Variants in TECTB observed in about 807,000 individuals in gnomAD.
The protein encoded by TECTB is tectorin beta.
TECTB carries 45 observed loss-of-function variants against 43.3 expected under a neutral mutation model. The ratio of observed to expected loss-of-function variants is 1.04; its 90% CI spans 0.82 to 1.33. The LOEUF (loss-of-function observed/expected upper bound fraction) is 1.33. Among genes scored for constraint, TECTB ranks in the 40% most tolerant of loss-of-function variants. The pLI, the probability that TECTB is intolerant of heterozygous loss-of-function variation, is 0.00. For missense variants in TECTB, 399 were observed against 404.7 expected (o/e 0.99, Z 0.12); for synonymous variants, 169 against 156.7 (o/e 1.08, Z -0.59).
chr10:112,297,616 C>A (rs1489059661), intron 7 of TECTB, among the ~76,000 whole-genome samples: 1 of 152,106 alleles, frequency 6.6e-6, no homozygotes, highest in Non-Finnish European at 1.5e-5. Context: ...TACAAATTTT[C>A]AATGCAAAAC....
intron 8 of TECTB, 91 bp from the exon 9 acceptor site, chr10:112,299,401 T>A (rs1848576334): frequency 8.4e-6 from 11 of 1,316,202 alleles, no homozygotes; most frequent in South Asian, 2.5e-5. Flanking sequence ...GTGACCTTTT[T>A]AAAATATCTT....
intron 5 of TECTB, among the ~76,000 whole-genome samples, chr10:112,292,879 G>A (rs1717652536): frequency 6.6e-6 from 1 of 151,698 alleles, no homozygotes; most frequent in South Asian, 2.1e-4. Context: ...CCACAGTCCT[G>A]CCCCAGGGCC....
chr10:112,292,861 GCTGC>G (rs1848510895), intron 5 of TECTB, among the ~76,000 whole-genome samples: 1 of 151,616 alleles, frequency 6.6e-6, no homozygotes, highest in East Asian at 2.0e-4. Flanking sequence ...TCCTTGCTGT[GCTGC>G]CAGCCACAGT....
chr10:112,293,650 C>A, intron 5 of TECTB, 88 bp from the exon 6 acceptor site: 3 of 1,184,212 alleles, frequency 2.5e-6, no homozygotes, highest in Non-Finnish European at 3.8e-6. Flanking sequence ...GATTCTCATC[C>A]CCACCCCATC....
At chr10:112,301,989 G>A (rs1848616048) in intron 9 of TECTB, 112 bp from the exon 10 acceptor site, 2 of 1,306,996 alleles carry the variant, frequency 1.5e-6, no homozygotes, top group African/African-American at 1.5e-5. Context: ...GGGATTACAA[G>A]TGTGAGCCGC....
intron 7 of TECTB, among the ~76,000 whole-genome samples, chr10:112,295,853 G>C (rs140157522): frequency 9.2e-5 from 14 of 152,318 alleles, no homozygotes; most frequent in African/African-American, 3.4e-4. Flanking sequence ...AAAAAGGGAT[G>C]CCTGTGGCTT....
chr10:112,288,978 C>G (rs1167516689), intron 5 of TECTB, among the ~76,000 whole-genome samples: 1 of 152,168 alleles, frequency 6.6e-6, no homozygotes, highest in African/African-American at 2.4e-5. Context: ...TAGTTTGAAG[C>G]CTTGTTCCAT....
intron 3 of TECTB, 147 bp from the exon 4 acceptor site, chr10:112,285,923 CA>C: frequency 2.0e-6 from 2 of 993,122 alleles, no homozygotes; most frequent in Non-Finnish European, 3.0e-6. Context: ...CACCCGCAGA[CA>C]AGAAGAGTGG....
intron 5 of TECTB, among the ~76,000 whole-genome samples, chr10:112,289,034 T>C (rs2148489): frequency 0.24 from 36,870 of 152,150 alleles, 5,421 homozygotes; most frequent in East Asian, 0.56. Flanking sequence ...AACCAACCTC[T>C]CTGGGCTTCT....
At position 112,302,283 on chromosome 10, in the gene TECTB, G is replaced by A. The variant is rs190854439; in HGVS notation, c.940+150G>A. The A allele has an allele frequency of 1.2e-4, 104 of 846,060 alleles. No individual in the cohort carries two copies. The East Asian group carries it at 1.9e-3, about 16-fold the overall frequency. The allele number at this position is 846,060 out of a possible 1,614,324, so 52.4% of individuals were successfully genotyped here. On this transcript the variant is annotated intron_variant, in intron 10 of 10. Coordinates refer to ENST00000646139, the MANE Select transcript of TECTB (RefSeq NM_058222.3). ...CACACCTGAGTGGCGCAGAGGGGGC[G>A]AGATCAAGAGGTCTCCCTCTGACCA... is the stretch of plus-strand genomic sequence containing the variant.
In TECTB at chr10:112,286,052, G is replaced by A. The variant is rs770388534; in HGVS notation, c.268-19G>A. 5.0e-6 allele frequency: 8 copies of A among 1,613,884 alleles called. No individual in the cohort carries two copies. The highest frequency in any genetic ancestry group is 6.8e-6 in the Non-Finnish European group (8 of 1,179,846). On this transcript the variant is annotated intron_variant, in intron 3 of 10. Transcript: ENST00000646139. ...GCGGGGAAACAGATTCATCCTGACT[G>A]TCTCCTTTCTTTGTCCAGTACAAGC...
At chr10:112,299,634 C>T in intron 9 of TECTB, 70 bp downstream of exon 9, 1 of 1,557,800 alleles carries the variant, frequency 6.4e-7, no homozygotes, top group South Asian at 1.1e-5. Context: ...ACAGGCACAG[C>T]CGGTTTGAGC....
chr10:112,286,520 C>G, intron 5 of TECTB, 129 bp downstream of exon 5: 1 of 1,026,014 alleles, frequency 9.7e-7, no homozygotes, highest in South Asian at 1.8e-5. Context: ...CAAGTTGAAA[C>G]ATGAACTTTG....
intron 5 of TECTB, among the ~76,000 whole-genome samples, chr10:112,291,601 C>T (rs1206066842): frequency 6.6e-6 from 1 of 152,222 alleles, no homozygotes; most frequent in East Asian, 1.9e-4. Flanking sequence ...GTTCCTCCTG[C>T]CACTGTCTAC....
At chr10:112,302,237 A>G in intron 10 of TECTB, 104 bp downstream of exon 10, 3 of 1,400,328 alleles carry the variant, frequency 2.1e-6, no homozygotes, top group Non-Finnish European at 3.0e-6. Context: ...ACTTTTAAGG[A>G]TTGAAAATTA....
rs187522098 is a variant in TECTB, at chr10:112,303,358, G to A, written c.*46G>A. ...GCTCCTCCACCCACAATAGTCCTCA[G>A]CGAATGACAAACACATTTATTGTGC... is the stretch of plus-strand genomic sequence containing the variant. On this transcript the variant is annotated 3_prime_UTR_variant, in exon 11 of 11. Transcript: ENST00000646139. 729 of 1,609,226 alleles carry A rather than the reference G, an allele frequency of 4.5e-4. 6 individuals carry two copies. The African/African-American group carries it at 9.0e-3, about 20-fold the overall frequency.
chr10:112,300,078 C>T (rs1848585167), intron 9 of TECTB, among the ~76,000 whole-genome samples: 2 of 150,072 alleles, frequency 1.3e-5, no homozygotes, highest in African/African-American at 4.9e-5. Flanking sequence ...AGGAGAATCA[C>T]TTGAATCTGG....
chr10:112,290,083 C>G (rs1848485504), intron 5 of TECTB, among the ~76,000 whole-genome samples: 2 of 152,170 alleles, frequency 1.3e-5, no homozygotes, highest in South Asian at 4.1e-4. Flanking sequence ...TAGAAATAAA[C>G]AATTCTTAAG....
At chr10:112,290,743 T>G (rs1260251318) in intron 5 of TECTB, among the ~76,000 whole-genome samples, 1 of 152,216 alleles carries the variant, frequency 6.6e-6, no homozygotes, top group Non-Finnish European at 1.5e-5. Context: ...CAACCTGCAT[T>G]TTAAGCCAGT....
Sources: gnomAD v4.1 joint callset for allele counts (sites outside exome capture counted in the v4.1 genomes callset) on GRCh38, gnomAD v4.1.1 for gene constraint, MANE v1.5 for transcripts, NCBI Gene and HGNC (gene_info 2026-07-23, HGNC 2026-07-21) for gene names.